Variants in IL23R observed in about 807,000 individuals in gnomAD.
IL23R encodes the protein interleukin-23 receptor.
In IL23R, 34 loss-of-function variants were observed where a neutral mutation model predicts 56.9. The observed-to-expected ratio is 0.60, with a 90% CI of 0.45 to 0.80. The LOEUF (loss-of-function observed/expected upper bound fraction) is 0.80, where lower values mean the gene tolerates loss of function less well. IL23R is among the 30% of genes least tolerant of loss of function. IL23R has a pLI of 0.00. For synonymous variants in IL23R, 230 were observed against 249.2 expected (o/e 0.92, Z 0.73); for missense variants, 635 against 730.0 (o/e 0.87, Z 1.50).
At chr1:67,170,906 C>T (rs17129685) in intron 3 of IL23R, among the ~76,000 whole-genome samples, 3,175 of 152,178 alleles carry the variant, frequency 0.021, 101 homozygotes, top group African/African-American at 0.072. Context: ...GCAAGCTTTT[C>T]AAGAGAAGGA....
At chr1:67,243,143 T>G (rs1651963224) in intron 9 of IL23R, among the ~76,000 whole-genome samples, 1 of 152,180 alleles carries the variant, frequency 6.6e-6, no homozygotes, top group African/African-American at 2.4e-5. Flanking sequence ...CACGAGTCCA[T>G]GCTTAAAAAT....
intron 1 of IL23R, among the ~76,000 whole-genome samples, chr1:67,157,886 C>A (rs1024007699): frequency 6.6e-6 from 1 of 152,156 alleles, no homozygotes; most frequent in Non-Finnish European, 1.5e-5. Flanking sequence ...ATCCTCAGTG[C>A]TAGAATAATT....
At chr1:67,217,948 C>T (rs1377371048) in intron 6 of IL23R, among the ~76,000 whole-genome samples, 1 of 150,012 alleles carries the variant, frequency 6.7e-6, no homozygotes, top group Non-Finnish European at 1.5e-5. Flanking sequence ...TCATGAGTAT[C>T]TGATAACTGC....
intron 1 of IL23R, among the ~76,000 whole-genome samples, chr1:67,145,110 C>T (rs913439436): frequency 6.6e-6 from 1 of 152,136 alleles, no homozygotes; most frequent in African/African-American, 2.4e-5. Context: ...TTTGGGAGGC[C>T]AAGGCAGGTG....
intron 7 of IL23R, among the ~76,000 whole-genome samples, 156 bp from the exon 8 acceptor site, chr1:67,236,557 A>T (rs1651486114): frequency 6.6e-6 from 1 of 152,254 alleles, no homozygotes; most frequent in East Asian, 1.9e-4. Flanking sequence ...GAAAAGACAC[A>T]TACTCGAAGA....
rs531024511 is a variant in IL23R at position 67,140,822 on chromosome 1, T to C, written c.-634+1661T>C. The stretch of plus-strand genomic sequence containing the variant: ...TCTCACTTATTAGATTTATTATGTG[T>C]CAACAATTGCATTTTCACATACATT... On this transcript the variant is annotated intron_variant, in intron 1 of 10. Transcript: ENST00000637002. Among the ~76,000 whole-genome samples, 6 of 152,300 alleles carry C rather than the reference T, an allele frequency of 3.9e-5. No individual in the cohort carries two copies. In the East Asian group the frequency reaches 9.6e-4, roughly 24 times the overall value.
intron 3 of IL23R, among the ~76,000 whole-genome samples, chr1:67,177,009 C>A (rs774151744): frequency 6.6e-6 from 1 of 152,110 alleles, no homozygotes; most frequent in African/African-American, 2.4e-5. Context: ...TTTTAATCCA[C>A]TCTATCATTG....
chr1:67,186,123 G>C (rs1217640934), intron 4 of IL23R, among the ~76,000 whole-genome samples: 1 of 152,146 alleles, frequency 6.6e-6, no homozygotes, highest in Non-Finnish European at 1.5e-5. Context: ...AAGACAACTA[G>C]AGTCTCATTG....
At chr1:67,212,838 A>G (rs1649583577) in intron 6 of IL23R, among the ~76,000 whole-genome samples, 1 of 152,106 alleles carries the variant, frequency 6.6e-6, no homozygotes, top group Admixed American at 6.5e-5. Flanking sequence ...TACAGGCACG[A>G]GCCACTGCTC....
chr1:67,143,192 A>G (rs1023283216), intron 1 of IL23R, among the ~76,000 whole-genome samples: 3 of 152,226 alleles, frequency 2.0e-5, no homozygotes, highest in African/African-American at 7.2e-5. Context: ...ACAAGTGGCT[A>G]AGAAAAAAAT....
chr1:67,148,048 G>C (rs1208048966), intron 1 of IL23R, among the ~76,000 whole-genome samples: 1 of 152,248 alleles, frequency 6.6e-6, no homozygotes, highest in Admixed American at 6.5e-5. Context: ...GAAGAGAACC[G>C]TGGAACCCAG....
intron 4 of IL23R, among the ~76,000 whole-genome samples, chr1:67,186,781 G>A (rs1284328514): frequency 2.0e-5 from 3 of 152,000 alleles, no homozygotes; most frequent in Non-Finnish European, 4.4e-5. Flanking sequence ...ACCACGCCCA[G>A]CTGATTTTTT....
chr1:67,140,288 CAAAA>C (rs559765149), intron 1 of IL23R, among the ~76,000 whole-genome samples: 1 of 151,582 alleles, frequency 6.6e-6, no homozygotes, highest in Non-Finnish European at 1.5e-5. Context: ...TTCTGTATGT[CAAAA>C]AAAGTCATTA....
intron 7 of IL23R, among the ~76,000 whole-genome samples, chr1:67,228,197 T>TCCTTCCTTCCTTCCTTCCTC (rs1429336962): frequency 7.2e-6 from 1 of 138,298 alleles, no homozygotes; most frequent in African/African-American, 2.7e-5. Flanking sequence ...CTTCCTTCCT[T>TCCTTCCTTCCTTCCTTCCTC]CCTCCCTTCT....
chr1:67,181,829 G>A (rs1647147644), intron 3 of IL23R, among the ~76,000 whole-genome samples: 1 of 152,170 alleles, frequency 6.6e-6, no homozygotes, highest in Non-Finnish European at 1.5e-5. Flanking sequence ...TGTCCTTTCT[G>A]TTTGTTAGTT....
At chr1:67,143,283 G>T (rs1017603243) in intron 1 of IL23R, among the ~76,000 whole-genome samples, 5 of 152,144 alleles carry the variant, frequency 3.3e-5, no homozygotes, top group African/African-American at 7.2e-5. Context: ...AAAATTAAAG[G>T]TGAATTGATA....
intron 1 of IL23R, among the ~76,000 whole-genome samples, chr1:67,145,867 G>A (rs1258201283): frequency 1.3e-5 from 2 of 152,078 alleles, no homozygotes; most frequent in African/African-American, 4.8e-5. Flanking sequence ...CTCTGTGGTT[G>A]GTTTCAATCA....
intron 4 of IL23R, 30 bp downstream of exon 4, chr1:67,182,989 G>C: frequency 6.2e-7 from 1 of 1,613,084 alleles, no homozygotes; most frequent in Non-Finnish European, 8.5e-7. Flanking sequence ...CTTCATATAA[G>C]CAGTTCCACC....
rs1410644610 is a variant in IL23R, at chr1:67,234,022, C to T, written c.956-2691C>T. Among the ~76,000 whole-genome samples the T allele has an allele frequency of 2.7e-5, 4 of 149,994 alleles. No homozygotes were observed. The East Asian group carries it at 6.0e-4, about 23-fold the overall frequency. ...TTGTATGTTAAAATACTTGCAAATACCATAAAGCACTAATAGCAGGTGGAT... is the reference window on the plus strand; with the variant it reads ...TTGTATGTTAAAATACTTGCAAATATCATAAAGCACTAATAGCAGGTGGAT... On this transcript the variant is annotated intron_variant, in intron 7 of 10. Coordinates refer to ENST00000347310, the MANE Select transcript of IL23R (RefSeq NM_144701.3).
Sources: allele counts gnomAD v4.1 joint callset (sites outside exome capture counted in the v4.1 genomes callset), GRCh38; gene constraint gnomAD v4.1.1; transcripts MANE v1.5; gene names NCBI Gene and HGNC (gene_info 2026-07-23, HGNC 2026-07-21).